MCTP2: variants seen among roughly 807,000 people sequenced by gnomAD.
MCTP2 encodes multiple C2 and transmembrane domain-containing protein 2.
A neutral mutation model predicts 111.6 loss-of-function variants in MCTP2; 132 were observed. That is an observed-to-expected ratio of 1.18 (90% CI 1.03 to 1.37). The LOEUF (loss-of-function observed/expected upper bound fraction) is 1.37, where lower values mean the gene tolerates loss of function less well. Among genes scored for constraint, MCTP2 ranks in the 40% most tolerant of loss-of-function variants. The pLI is 0.00. For missense variants in MCTP2, 1,183 were observed against 1,067.9 expected, an observed-to-expected ratio of 1.11 and a Z score of -1.50; for synonymous variants, 395 against 387.7, an observed-to-expected ratio of 1.02 and a Z score of -0.22.
chr15:94,291,768 T>C (rs2075043209), intron 1 of MCTP2, among the ~76,000 whole-genome samples: 2 of 152,206 alleles, frequency 1.3e-5, no homozygotes, highest in Admixed American at 1.3e-4. Context: ...ACCTTATTTT[T>C]AAAATGAAGA....
chr15:94,314,654 A>C, intron 3 of MCTP2: 1 of 538,248 alleles, frequency 1.9e-6, no homozygotes, highest in South Asian at 1.7e-5. Flanking sequence ...AGGGTGGCTT[A>C]GCCACAGGAT....
chr15:94,402,294 T>TC, intron 17 of MCTP2: 2 of 985,316 alleles, frequency 2.0e-6, no homozygotes, highest in Non-Finnish European at 2.4e-6. Context: ...GTGTGTATTT[T>TC]TTTTCTTTCT....
chr15:94,270,217 A>G (rs1395388902), intron 1 of MCTP2, among the ~76,000 whole-genome samples: 5 of 152,180 alleles, frequency 3.3e-5, no homozygotes, highest in Non-Finnish European at 7.4e-5. Flanking sequence ...TTCCACCCCA[A>G]GTGCCAGAAG....
intron 1 of MCTP2, among the ~76,000 whole-genome samples, chr15:94,292,096 CAA>C (rs1364121315): frequency 1.3e-5 from 2 of 152,162 alleles, no homozygotes; most frequent in South Asian, 4.1e-4. Context: ...ATCATAAAGA[CAA>C]GAGTAGAAAT....
At chr15:94,466,763 ATTTTATTTTTACAGTGTATTATAT>A (rs911723063) in intron 20 of MCTP2, among the ~76,000 whole-genome samples, 1 of 151,722 alleles carries the variant, frequency 6.6e-6, no homozygotes, top group Non-Finnish European at 1.5e-5. Context: ...CTTGCAGTTT[ATTTTATTTTTACAGTGTATTATAT>A]TTTTATTTTC....
intron 1 of MCTP2, among the ~76,000 whole-genome samples, chr15:94,243,863 ACATATG>A (rs1212442163): frequency 6.8e-6 from 1 of 147,494 alleles, no homozygotes; most frequent in African/African-American, 2.5e-5. Context: ...GTATACACAT[ACATATG>A]TGTATATATT....
At chr15:94,402,540 A>G in intron 17 of MCTP2, 2 of 1,551,808 alleles carry the variant, frequency 1.3e-6, no homozygotes, top group Non-Finnish European at 1.7e-6. Context: ...CTCTGGTGAC[A>G]TTGGCCCATC....
At chr15:94,306,165 G>T (rs1040855216) in intron 2 of MCTP2, among the ~76,000 whole-genome samples, 1 of 152,118 alleles carries the variant, frequency 6.6e-6, no homozygotes, top group Non-Finnish European at 1.5e-5. Flanking sequence ...GGCTTGAAGA[G>T]AACTCCTTTT....
At chr15:94,395,051 G>C (rs963489280) in intron 14 of MCTP2, among the ~76,000 whole-genome samples, 1 of 152,116 alleles carries the variant, frequency 6.6e-6, no homozygotes, top group Admixed American at 6.6e-5. Flanking sequence ...CTCTCTCTAG[G>C]TGCTGTTTGT....
intron 10 of MCTP2, among the ~76,000 whole-genome samples, chr15:94,362,197 A>C (rs888839859): frequency 6.6e-6 from 1 of 152,178 alleles, no homozygotes; most frequent in African/African-American, 2.4e-5. Flanking sequence ...GCTTTTAGGG[A>C]AGAGTAAGAC....
At chr15:94,369,193 T>A (rs1235765703) in intron 11 of MCTP2, among the ~76,000 whole-genome samples, 2 of 152,220 alleles carry the variant, frequency 1.3e-5, no homozygotes, top group Non-Finnish European at 2.9e-5. Context: ...ATGATGCATA[T>A]TAAGTTAGGC....
chr15:94,282,687 T>G (rs1465034176), intron 1 of MCTP2, among the ~76,000 whole-genome samples: 2 of 152,264 alleles, frequency 1.3e-5, no homozygotes, highest in African/African-American at 4.8e-5. Context: ...TTTAATCTTT[T>G]AAGTCACTGT....
In MCTP2 at chr15:94,399,982, A is replaced by G. The variant is rs758962626; in HGVS notation, c.1952A>G (p.Lys651Arg). Residue 651 changes from lysine (K) to arginine (R), a missense_variant, in exon 16 of 23, where the codon AAG (lysine) becomes AGG (arginine). By Grantham distance (26) the Lys-to-Arg change is conservative. Coordinates refer to ENST00000357742, the MANE Select transcript of MCTP2 (RefSeq NM_001385001.1). ...REKRFVEDSR[K>R]LSKKILSRDV... ...AAGCGCTTTGTTGAAGACAGCCGCA[A>G]GCTGTCCAAAAAGGTGGGTCGCTAC... is the stretch of plus-strand genomic sequence containing the variant. 3 of 1,614,004 alleles carry G rather than the reference A, an allele frequency of 1.9e-6. No homozygotes were observed. Among genetic ancestry groups the G allele is most frequent in the East Asian group, 4.5e-5 (2 of 44,874 alleles).
Position 94,402,011 on chromosome 15 carries a change from G to A in MCTP2, c.2077G>A (p.Ala693Thr), listed in dbSNP as rs1206506978. The change falls in exon 17 of 23, where the codon GCA (alanine) becomes ACA (threonine). Residue 693 changes from alanine (A) to threonine (T), a missense_variant. By Grantham distance (58) the Ala-to-Thr change is moderately conservative. Transcript: ENST00000357742. ...GGAATCCACATTAAGAAGTACAATA[G>A]CATTCGCGGTAAGCTTCCTTTCTTA... ...QWESTLRSTIAFAVFLITVWN... is the reference protein window; with the variant it reads ...QWESTLRSTITFAVFLITVWN... The A allele has an allele frequency of 1.9e-6, 3 of 1,610,710 alleles. No individual in the cohort carries two copies. The highest frequency in any genetic ancestry group is 1.7e-6 in the Non-Finnish European group (2 of 1,178,994).
chr15:94,405,382 G>A (rs186933295), intron 17 of MCTP2, among the ~76,000 whole-genome samples: 157 of 152,266 alleles, frequency 1.0e-3, no homozygotes, highest in African/African-American at 3.6e-3. Flanking sequence ...CAAACCATAC[G>A]TTTTCCATGG....
chr15:94,243,664 T>G (rs916528608), intron 1 of MCTP2, among the ~76,000 whole-genome samples: 2 of 147,910 alleles, frequency 1.4e-5, no homozygotes, highest in African/African-American at 5.0e-5. Flanking sequence ...CACATATGCG[T>G]ATATATACAC....
chr15:94,376,961 C>A (rs1433786293), intron 12 of MCTP2, among the ~76,000 whole-genome samples: 2 of 152,142 alleles, frequency 1.3e-5, no homozygotes, highest in African/African-American at 4.8e-5. Context: ...TATTGTCAAA[C>A]TGTTGACCAA....
At chr15:94,425,976 C>T (rs2082870431) in intron 17 of MCTP2, among the ~76,000 whole-genome samples, 1 of 151,910 alleles carries the variant, frequency 6.6e-6, no homozygotes, top group Non-Finnish European at 1.5e-5. Context: ...TCTTTTTTTT[C>T]TTCTGGCTAT....
At chr15:94,248,893 A>G (rs2072207757) in intron 1 of MCTP2, among the ~76,000 whole-genome samples, 1 of 152,216 alleles carries the variant, frequency 6.6e-6, no homozygotes, top group Non-Finnish European at 1.5e-5. Flanking sequence ...TGATTAACTC[A>G]ATATGGAACA....
Sources: allele counts gnomAD v4.1 joint callset (sites outside exome capture counted in the v4.1 genomes callset), GRCh38; gene constraint gnomAD v4.1.1; transcripts MANE v1.5; gene names NCBI Gene and HGNC (gene_info 2026-07-23, HGNC 2026-07-21).